Variants in ADGRL3 observed in about 807,000 individuals in gnomAD.
The protein encoded by ADGRL3 is calcium-independent alpha-latrotoxin receptor 3.
A neutral mutation model predicts 153.5 loss-of-function variants in ADGRL3; 62 were observed. The observed-to-expected ratio is 0.40, with a 90% confidence interval of 0.33 to 0.50. The LOEUF is 0.50. ADGRL3 is among the 20% of genes least tolerant of loss of function. The probability of loss-of-function intolerance (pLI) is 0.47; values close to 1 mark genes in which losing one functional copy is unlikely to be tolerated. For missense variants in ADGRL3, 1,641 were observed against 1,859.4 expected, an observed-to-expected ratio of 0.88 and a Z score of 2.16; for synonymous variants, 710 against 672.5, an observed-to-expected ratio of 1.06 and a Z score of -0.86.
intron 25 of ADGRL3, among the ~76,000 whole-genome samples, chr4:62,048,455 G>T (rs555391609): frequency 6.6e-6 from 1 of 151,948 alleles, no homozygotes; most frequent in Non-Finnish European, 1.5e-5. Flanking sequence ...TAGAGACGGG[G>T]TTTCATCATG....
rs767717616 is a variant in ADGRL3 at position 61,733,314 on chromosome 4, A to T, written c.1159A>T (p.Ile387Phe). 6.2e-7 allele frequency: 1 copy of T among 1,613,756 alleles called. No homozygotes were observed. Reference protein sequence around the residue: ...SASNAFMICGILYVVKSVYED... With the variant: ...SASNAFMICGFLYVVKSVYED... ...TTCCAATGCCTTTATGATTTGTGGA[A>T]TTCTGTATGTGGTCAAATCTGTATA... The change falls in exon 8 of 27, where the codon ATT becomes TTT. Residue 387 changes from isoleucine (I) to phenylalanine (F), a missense_variant. Ile to Phe is a conservative substitution (Grantham distance 21, BLOSUM62 0). Around this residue, in one of 5 missense-constraint regions of ADGRL3, gnomAD observed 213 missense variants for 362.1 expected, o/e 0.59. Coordinates refer to ENST00000683033, the MANE Select transcript of ADGRL3 (RefSeq NM_001387552.1).
intron 5 of ADGRL3, among the ~76,000 whole-genome samples, chr4:61,607,769 T>G (rs1426899288): frequency 6.6e-6 from 1 of 152,202 alleles, no homozygotes; most frequent in Non-Finnish European, 1.5e-5. Context: ...CCTAATCTTG[T>G]GACTTTTCAT....
chr4:61,745,457 A>G (rs1396930238), intron 8 of ADGRL3, among the ~76,000 whole-genome samples: 2 of 152,284 alleles, frequency 1.3e-5, no homozygotes, highest in African/African-American at 4.8e-5. Context: ...GGCAGCCAGA[A>G]AGAAAGGCAG....
chr4:61,975,338 G>A (rs1203281249), intron 17 of ADGRL3, among the ~76,000 whole-genome samples: 1 of 152,042 alleles, frequency 6.6e-6, no homozygotes. Flanking sequence ...GATATCTTTT[G>A]GAAGAGTATT....
chr4:61,915,506 T>A (rs2098741255), intron 13 of ADGRL3, among the ~76,000 whole-genome samples: 1 of 152,070 alleles, frequency 6.6e-6, no homozygotes, highest in African/African-American at 2.4e-5. Context: ...TTTAAACCTA[T>A]GAAACACATG....
intron 8 of ADGRL3, among the ~76,000 whole-genome samples, chr4:61,745,106 A>C (rs1469424077): frequency 6.6e-6 from 1 of 152,228 alleles, no homozygotes; most frequent in Admixed American, 6.5e-5. Context: ...ACTGGAATAA[A>C]GGGTATCAGT....
chr4:61,658,251 T>C (rs1270897193), intron 5 of ADGRL3, among the ~76,000 whole-genome samples: 1 of 152,150 alleles, frequency 6.6e-6, no homozygotes. Flanking sequence ...ATCTCCATTA[T>C]GAGCTCCTTA....
intron 8 of ADGRL3, among the ~76,000 whole-genome samples, chr4:61,791,914 G>A (rs912958987): frequency 2.0e-5 from 3 of 152,064 alleles, no homozygotes; most frequent in Non-Finnish European, 4.4e-5. Flanking sequence ...GGTACCAAGA[G>A]GAGGGGAACC....
At chr4:61,974,008 C>T (rs896569291) in intron 17 of ADGRL3, among the ~76,000 whole-genome samples, 2 of 152,138 alleles carry the variant, frequency 1.3e-5, no homozygotes, top group African/African-American at 4.8e-5. Flanking sequence ...GGGTCTGTCA[C>T]CCAGGTTGGA....
At chr4:61,842,021 A>G (rs1312405598) in intron 9 of ADGRL3, among the ~76,000 whole-genome samples, 1 of 152,244 alleles carries the variant, frequency 6.6e-6, no homozygotes, top group Non-Finnish European at 1.5e-5. Context: ...AGGGAAAATT[A>G]TATGAAATGG....
Position 62,070,910 on chromosome 4 carries a change from A to G in ADGRL3, c.*2A>G. The G allele has an allele frequency of 6.5e-7, 1 of 1,534,506 alleles. No homozygotes were observed. Among genetic ancestry groups the G allele is most frequent in the Non-Finnish European group, 8.8e-7 (1 of 1,138,310 alleles). On this transcript the variant is annotated 3_prime_UTR_variant, in exon 27 of 27. Coordinates refer to ENST00000683033, the MANE Select transcript of ADGRL3 (RefSeq NM_001387552.1). ...GCTCATTTGGTCACTAGTCTATAGAAGATGACACAGAAATTGGAACCAACA... is the reference window on the plus strand; with the variant it reads ...GCTCATTTGGTCACTAGTCTATAGAGGATGACACAGAAATTGGAACCAACA...
chr4:61,416,476 G>GA (rs1344206946), intron 2 of ADGRL3, among the ~76,000 whole-genome samples: 1 of 152,022 alleles, frequency 6.6e-6, no homozygotes. Context: ...TTGTAGTAAA[G>GA]AAAAAAGGAC....
At chr4:61,420,827 T>C (rs1033781470) in intron 2 of ADGRL3, 7 of 142,018 alleles carry the variant, frequency 4.9e-5, no homozygotes, top group Non-Finnish European at 1.1e-4. Context: ...CATTTGGAGG[T>C]GAATAAGAAC....
At chr4:61,412,940 A>G (rs889932477) in intron 2 of ADGRL3, among the ~76,000 whole-genome samples, 3 of 152,006 alleles carry the variant, frequency 2.0e-5, no homozygotes, top group African/African-American at 7.2e-5. Context: ...GTGTTTTTTC[A>G]TTAAGTTTGA....
At chr4:61,773,839 A>G (rs2097113678) in intron 8 of ADGRL3, among the ~76,000 whole-genome samples, 1 of 152,174 alleles carries the variant, frequency 6.6e-6, no homozygotes, top group South Asian at 2.1e-4. Flanking sequence ...TAGCATCTAA[A>G]CAAAAAAACA....
At chr4:61,795,937 G>T (rs752298112) in intron 8 of ADGRL3, among the ~76,000 whole-genome samples, 4 of 152,124 alleles carry the variant, frequency 2.6e-5, no homozygotes, top group Non-Finnish European at 5.9e-5. Context: ...CTGCCCACCA[G>T]GTTCAAGCGA....
chr4:61,895,311 C>G (rs967117888), intron 10 of ADGRL3, among the ~76,000 whole-genome samples: 1 of 152,004 alleles, frequency 6.6e-6, no homozygotes, highest in South Asian at 2.1e-4. Context: ...ACTAAAAATA[C>G]ACAAATTAGC....
At chr4:61,761,998 TTATTAGAG>T (rs1656290479) in intron 8 of ADGRL3, among the ~76,000 whole-genome samples, 1 of 152,168 alleles carries the variant, frequency 6.6e-6, no homozygotes, top group African/African-American at 2.4e-5. Flanking sequence ...TTCAGAGTAT[TTATTAGAG>T]TATGTTTCAT....
chr4:61,993,492 A>G (rs1038002881), intron 19 of ADGRL3, among the ~76,000 whole-genome samples: 1 of 151,254 alleles, frequency 6.6e-6, no homozygotes. Flanking sequence ...GGATTTCACC[A>G]TGTTGGCCAG....
Sources: allele counts gnomAD v4.1 joint callset (sites outside exome capture counted in the v4.1 genomes callset), GRCh38; gene constraint gnomAD v4.1.1; regional missense constraint gnomAD v4.1.1; transcripts MANE v1.5; gene names NCBI Gene and HGNC (gene_info 2026-07-23, HGNC 2026-07-21).